The following SOCS2 variants were observed in gnomAD, a reference collection of about 807,000 sequenced individuals.
The protein encoded by SOCS2 is suppressor of cytokine signaling 2.
SOCS2 carries 10 observed loss-of-function variants against 18.6 expected under a neutral mutation model. The observed-to-expected ratio is 0.54, with a 90% CI of 0.33 to 0.91. SOCS2 has a LOEUF of 0.91. Ranked by LOEUF, SOCS2 falls within the 40% of genes least tolerant of loss-of-function variation. SOCS2 has a pLI of 0.02. For missense variants in SOCS2, 231 were observed against 247.2 expected (o/e 0.93, Z 0.44); for synonymous variants, 104 against 104.0 (o/e 1.00, Z 0.00).
chr12:93,591,436 T>G, the SOCS2 span, among the ~76,000 whole-genome samples: 8 of 152,038 alleles, frequency 5.3e-5, no homozygotes, highest in East Asian at 3.9e-4. Context: ...TGTGTGGCTG[T>G]CTGTCTGTCT....
the SOCS2 span, among the ~76,000 whole-genome samples, chr12:93,607,534 G>A: frequency 1.3e-5 from 2 of 152,172 alleles, no homozygotes; most frequent in South Asian, 2.1e-4. Flanking sequence ...CTTTGGAAAC[G>A]TTAAAATTGA....
the SOCS2 span, among the ~76,000 whole-genome samples, chr12:93,598,951 T>A: frequency 6.6e-6 from 1 of 152,202 alleles, no homozygotes; most frequent in Non-Finnish European, 1.5e-5. Flanking sequence ...TTATTGTCCC[T>A]AGTGCCTAGC....
the SOCS2 span, among the ~76,000 whole-genome samples, chr12:93,619,248 T>C: frequency 2.6e-5 from 4 of 152,118 alleles, no homozygotes; most frequent in East Asian, 7.7e-4. Context: ...TTCTTCCTCC[T>C]CCCACCTTCA....
downstream of SOCS2, chr12:93,583,510 T>A (rs1954565015): frequency 1.3e-5 from 2 of 152,194 alleles, no homozygotes; most frequent in African/African-American, 4.8e-5. Context: ...AATCTATCCA[T>A]CTTGCACATT....
At chr12:93,612,536 A>G in the SOCS2 span, among the ~76,000 whole-genome samples, 1 of 152,044 alleles carries the variant, frequency 6.6e-6, no homozygotes, top group African/African-American at 2.4e-5. Flanking sequence ...ACTTCTTTCC[A>G]TGGTGTTAAT....
chr12:93,614,540 CTTCTTTCT>C, the SOCS2 span, among the ~76,000 whole-genome samples: 59 of 37,130 alleles, frequency 1.6e-3, 2 homozygotes, highest in South Asian at 3.1e-3. Context: ...TCCTTCCTTC[CTTCTTTCT>C]TTCTTTCTTT....
At chr12:93,592,682 CA>C in the SOCS2 span, among the ~76,000 whole-genome samples, 2 of 152,164 alleles carry the variant, frequency 1.3e-5, no homozygotes, top group Admixed American at 6.5e-5. Flanking sequence ...CATTTTTAAA[CA>C]GCATATTTTC....
At chr12:93,610,759 G>A in the SOCS2 span, among the ~76,000 whole-genome samples, 1 of 152,056 alleles carries the variant, frequency 6.6e-6, no homozygotes, top group Non-Finnish European at 1.5e-5. Context: ...TGGCCATAAG[G>A]TGCCATCTTT....
chr12:93,605,417 G>T, the SOCS2 span, among the ~76,000 whole-genome samples: 1 of 152,164 alleles, frequency 6.6e-6, no homozygotes, highest in Non-Finnish European at 1.5e-5. Context: ...CAGAAATTGG[G>T]TGGATGAGGC....
chr12:93,582,722 G>C (rs1232846461), intron 1 of SOCS2, among the ~76,000 whole-genome samples: 1 of 152,134 alleles, frequency 6.6e-6, no homozygotes, highest in Non-Finnish European at 1.5e-5. Context: ...GGAAAACTTG[G>C]GGTCCACTCT....
In SOCS2 at chr12:93,572,840, C is replaced by T; in HGVS notation, c.-58C>T. The T allele has an allele frequency of 1.3e-6, 2 of 1,552,770 alleles. No homozygotes were observed. The highest frequency in any genetic ancestry group is 1.7e-6 in the Non-Finnish European group (2 of 1,147,600). ...CACTGACTTCAAGGAAGGACGCGAACCCTTCTCTGACCCCAGCTCGGGCGG... is the reference window on the plus strand; with the variant it reads ...CACTGACTTCAAGGAAGGACGCGAATCCTTCTCTGACCCCAGCTCGGGCGG... On this transcript the variant is annotated 5_prime_UTR_variant, in exon 1 of 2. Transcript: ENST00000551556. This position sits in a 1 kb window ranked among gnomAD's most constrained non-coding sequence, Gnocchi z 5.0.
upstream of SOCS2, chr12:93,571,841 AC>A (rs768531990): frequency 1.4e-4 from 19 of 139,458 alleles, no homozygotes; most frequent in Admixed American, 3.1e-4. Flanking sequence ...TTTTCCCCCC[AC>A]CCCCCCGCCC....
chr12:93,572,212 CT>C (rs142654914), upstream of SOCS2: 9,252 of 175,300 alleles, frequency 0.053, 391 homozygotes, highest in East Asian at 0.19. This position sits in a 1 kb window ranked among gnomAD's most constrained non-coding sequence, Gnocchi z 5.0. Context: ...CCCCGCAGCG[CT>C]TTAGGGCGGA....
At chr12:93,614,478 C>CCTTCCTTCCTTTCTTT in the SOCS2 span, among the ~76,000 whole-genome samples, 10 of 49,424 alleles carry the variant, frequency 2.0e-4, 1 homozygote, top group African/African-American at 1.2e-3. Flanking sequence ...TTCCTTCCTT[C>CCTTCCTTCCTTTCTTT]CTTTCCTTCC....
the SOCS2 span, among the ~76,000 whole-genome samples, chr12:93,601,483 A>AT: frequency 5.3e-5 from 8 of 151,710 alleles, no homozygotes; most frequent in African/African-American, 1.9e-4. Context: ...AGGCTGTTGT[A>AT]TTTTTTGTAG....
chr12:93,600,929 C>T, the SOCS2 span, among the ~76,000 whole-genome samples: 4 of 151,584 alleles, frequency 2.6e-5, no homozygotes, highest in East Asian at 3.9e-4. Flanking sequence ...GCTGGGACTA[C>T]GATTGTGCAT....
At chr12:93,614,377 CTTTCTT>C in the SOCS2 span, among the ~76,000 whole-genome samples, 1 of 125,560 alleles carries the variant, frequency 8.0e-6, no homozygotes, top group East Asian at 2.3e-4. Context: ...TTCTTTCTTT[CTTTCTT>C]TCTTTCTTTC....
chr12:93,623,264 C>T, the SOCS2 span, among the ~76,000 whole-genome samples: 10 of 152,248 alleles, frequency 6.6e-5, no homozygotes, highest in Middle Eastern at 0.01. Context: ...CTCCTGCTGC[C>T]ATGTAAGACG....
upstream of SOCS2, chr12:93,570,783 T>A (rs1000578390): frequency 6.6e-6 from 1 of 152,602 alleles, no homozygotes; most frequent in African/African-American, 2.4e-5. Flanking sequence ...GACCCCGGCG[T>A]GCACACCGCC....
Sources: gnomAD v4.1 joint callset for allele counts (sites outside exome capture counted in the v4.1 genomes callset) on GRCh38, gnomAD v4.1.1 for gene constraint, Gnocchi (gnomAD v3.1) non-coding constraint, MANE v1.5 for transcripts, NCBI Gene and HGNC (gene_info 2026-07-23, HGNC 2026-07-21) for gene names.